Variants in DYM observed in about 807,000 individuals in gnomAD.
DYM encodes dyggve-Melchior-Clausen syndrome protein.
A neutral mutation model predicts 93.1 loss-of-function variants in DYM; 78 were observed. The ratio of observed to expected loss-of-function variants is 0.84; its 90% CI spans 0.70 to 1.01. The LOEUF is 1.01. Among genes scored for constraint, DYM ranks in the 50% least tolerant of loss-of-function variants. The pLI is 0.00. For synonymous variants in DYM, 321 were observed against 319.7 expected (o/e 1.00, Z -0.04); for missense variants, 789 against 845.0 (o/e 0.93, Z 0.82).
chr18:49,373,208 T>C (rs1223232486), intron 5 of DYM, among the ~76,000 whole-genome samples: 1 of 152,186 alleles, frequency 6.6e-6, no homozygotes, highest in Non-Finnish European at 1.5e-5. Context: ...GACAGGGTTC[T>C]TGGATCTCGT....
intron 14 of DYM, among the ~76,000 whole-genome samples, chr18:49,188,928 T>C (rs1373965768): frequency 1.3e-5 from 2 of 152,188 alleles, no homozygotes; most frequent in Admixed American, 6.5e-5. Flanking sequence ...GGAATCAACC[T>C]AGACGCTCAT....
rs1176404453 is a variant in DYM, at chr18:49,371,046, A to G, written c.421+7521T>C. Among the ~76,000 whole-genome samples, 4 of 152,216 alleles carry G rather than the reference A, an allele frequency of 2.6e-5. No homozygotes were observed. In the East Asian group the frequency reaches 7.7e-4, roughly 29 times the overall value. On this transcript the variant is annotated intron_variant, in intron 5 of 17. Transcript: ENST00000675505. ...ATGAATGCCAGTTAGAATGAAGCCC[A>G]CTGACTAAGCCTCAGTCAGTGGCAA...
chr18:49,077,360 G>T (rs984541868), intron 17 of DYM, among the ~76,000 whole-genome samples: 8 of 152,200 alleles, frequency 5.3e-5, no homozygotes, highest in East Asian at 1.9e-4. Flanking sequence ...ATTTAACTTT[G>T]ACAATTCTAA....
At chr18:49,397,217 A>G (rs913436573) in intron 2 of DYM, among the ~76,000 whole-genome samples, 1 of 152,138 alleles carries the variant, frequency 6.6e-6, no homozygotes, top group African/African-American at 2.4e-5. Context: ...CTTTTTAAAA[A>G]TGATAACTAT....
Position 49,258,837 on chromosome 18 carries a change from C to CAG in DYM, c.1252-345_1252-344insCT, listed in dbSNP as rs1568120082. On this transcript the variant is annotated intron_variant, in intron 11 of 17. Coordinates refer to ENST00000675505, the MANE Select transcript of DYM (RefSeq NM_001353214.3). ...ACACACACACAGAGACACACACACA[C>CAG]ACAGAGAGAGAGAGAGAGAGAGAGA... 2.1e-3 allele frequency among the ~76,000 whole-genome samples: 291 copies of CAG among 138,068 alleles called. 2 individuals carry two copies. Among genetic ancestry groups the CAG allele is most frequent in the Non-Finnish European group, 3.1e-3 (203 of 64,930 alleles). 90.6% of individuals were successfully genotyped at this position (138,068 alleles called of 152,430 possible).
intron 15 of DYM, among the ~76,000 whole-genome samples, chr18:49,156,731 T>A (rs1201608824): frequency 3.6e-5 from 3 of 83,564 alleles, no homozygotes; most frequent in African/African-American, 1.7e-4. Flanking sequence ...AAACGCTGTC[T>A]CAAAAAAAAA....
At chr18:49,393,087 GGGAGGGAAGGAAGGAAGGAAGGAAGGAA>G (rs1368866431) in intron 2 of DYM, among the ~76,000 whole-genome samples, 4 of 84,942 alleles carry the variant, frequency 4.7e-5, no homozygotes, top group African/African-American at 1.6e-4. Context: ...AAAGAAGGGA[GGGAGGGAAGGAAGGAAGGAAGGAAGGAA>G]GGAAGGAAGG....
chr18:49,310,455 G>A (rs914522447), intron 8 of DYM, among the ~76,000 whole-genome samples: 1 of 150,386 alleles, frequency 6.6e-6, no homozygotes, highest in African/African-American at 2.4e-5. Context: ...GCCCCCGCAT[G>A]TGTAAAATTA....
chr18:49,166,396 C>T (rs2087874690), intron 14 of DYM, among the ~76,000 whole-genome samples: 1 of 152,064 alleles, frequency 6.6e-6, no homozygotes, highest in Non-Finnish European at 1.5e-5. Context: ...CATTATTAAT[C>T]ACTCACTGCA....
chr18:49,390,413 A>G (rs2069092949), intron 3 of DYM, among the ~76,000 whole-genome samples: 1 of 152,046 alleles, frequency 6.6e-6, no homozygotes, highest in Non-Finnish European at 1.5e-5. Context: ...CTGGGCAGCA[A>G]AGCAAGACTC....
At chr18:49,179,596 T>C (rs920174818) in intron 14 of DYM, among the ~76,000 whole-genome samples, 19 of 152,168 alleles carry the variant, frequency 1.2e-4, no homozygotes, top group African/African-American at 3.9e-4. Context: ...AATAGGCTTA[T>C]AGTTACCATC....
At position 49,199,786 on chromosome 18, in the gene DYM, C is replaced by T. The variant is rs920156004; in HGVS notation, c.1625+9765G>A. The stretch of plus-strand genomic sequence containing the variant: ...CTTGTTTTGAGGAAACTCATTAGAG[C>T]TTTGTCTTAGATTTAGACTGAAGAT... On this transcript the variant is annotated intron_variant, in intron 14 of 17. Transcript: ENST00000675505. Among the ~76,000 whole-genome samples, 3 of 152,122 alleles carry T rather than the reference C, an allele frequency of 2.0e-5. No individual in the cohort carries two copies. The South Asian group carries it at 6.2e-4, about 31-fold the overall frequency.
At chr18:49,106,360 A>G (rs553236654) in intron 16 of DYM, among the ~76,000 whole-genome samples, 1 of 152,180 alleles carries the variant, frequency 6.6e-6, no homozygotes, top group East Asian at 1.9e-4. Context: ...TCTTTATCCA[A>G]TTTGCCAGTC....
rs528495748 is a variant in DYM, at chr18:49,150,631, C to A, written c.1728+13054G>T. Among the ~76,000 whole-genome samples, 3 of 152,300 alleles carry A rather than the reference C, an allele frequency of 2.0e-5. No homozygotes were observed. The East Asian group carries it at 5.8e-4, about 29-fold the overall frequency. On this transcript the variant is annotated intron_variant, in intron 15 of 17. Transcript: ENST00000675505. ...AAACCACCCAGTCTACATTTTGTTA[C>A]GGCATCTTGAGCTGACTAACACAGG...
chr18:49,412,715 T>C (rs936124774), intron 2 of DYM, among the ~76,000 whole-genome samples: 8 of 152,142 alleles, frequency 5.3e-5, no homozygotes, highest in African/African-American at 1.9e-4. Flanking sequence ...AAATTGAACA[T>C]AAAGTGTGCC....
intron 15 of DYM, among the ~76,000 whole-genome samples, chr18:49,122,641 A>G (rs184388104): frequency 6.6e-6 from 1 of 152,348 alleles, no homozygotes; most frequent in East Asian, 1.9e-4. Flanking sequence ...ATAATAATAG[A>G]AACAAAGTGC....
At chr18:49,246,365 T>G (rs1253712643) in intron 13 of DYM, among the ~76,000 whole-genome samples, 1 of 152,214 alleles carries the variant, frequency 6.6e-6, no homozygotes, top group Non-Finnish European at 1.5e-5. Flanking sequence ...AAGGTACTTT[T>G]TAAAAGTCCA....
chr18:49,388,166 C>T (rs901240143), intron 3 of DYM, among the ~76,000 whole-genome samples: 3 of 151,850 alleles, frequency 2.0e-5, no homozygotes, highest in Non-Finnish European at 2.9e-5. Context: ...CCCACCTCTA[C>T]AGAAAACTTA....
intron 8 of DYM, among the ~76,000 whole-genome samples, chr18:49,318,791 C>CT (rs1384051385): frequency 7.1e-6 from 1 of 140,336 alleles, no homozygotes; most frequent in South Asian, 2.2e-4. Flanking sequence ...AACATTATTT[C>CT]TTTTTCTTTT....
Sources: gnomAD v4.1 joint callset for allele counts (sites outside exome capture counted in the v4.1 genomes callset) on GRCh38, gnomAD v4.1.1 for gene constraint, MANE v1.5 for transcripts, NCBI Gene and HGNC (gene_info 2026-07-23, HGNC 2026-07-21) for gene names.